The following CDCA5 variants were observed in gnomAD, a reference collection of about 807,000 sequenced individuals.
CDCA5 encodes the protein cell division cycle associated 5.
A neutral mutation model predicts 25.7 loss-of-function variants in CDCA5; 14 were observed. The ratio of observed to expected loss-of-function variants is 0.54; its 90% CI spans 0.36 to 0.85. The LOEUF (loss-of-function observed/expected upper bound fraction) is 0.85, where lower values mean the gene tolerates loss of function less well. Among genes scored for constraint, CDCA5 ranks in the 40% least tolerant of loss-of-function variants. The pLI is 0.01. For synonymous variants in CDCA5, 127 were observed against 128.7 expected (o/e 0.99, Z 0.09); for missense variants, 307 against 324.5 (o/e 0.95, Z 0.41).
chr11:65,066,276 A>G, downstream of CDCA5: 1 of 1,119,520 alleles, frequency 8.9e-7, no homozygotes, highest in Non-Finnish European at 1.1e-6. Flanking sequence ...CCCAGGGCCC[A>G]CAGACACTTG....
At chr11:65,065,880 C>A (rs553267740), downstream of CDCA5, among the ~76,000 whole-genome samples, 9 of 152,092 alleles carry the variant, frequency 5.9e-5, no homozygotes, top group South Asian at 1.5e-3. Context: ...TCTCTGCCCC[C>A]CAACCCCATG....
At chr11:65,068,714 AG>A (rs1947288303) in intron 1 of CDCA5, 5 of 445,294 alleles carry the variant, frequency 1.1e-5, no homozygotes, top group Non-Finnish European at 2.0e-5. Context: ...GTCTATCACC[AG>A]CTCTGTCCAG....
chr11:65,077,982 C>T lies in CDCA5; in HGVS notation c.*1125G>A, dbSNP rs748677279. 5.1e-5 allele frequency: 50 copies of T among 985,240 alleles called. No homozygotes were observed. The highest frequency in any genetic ancestry group is 1.9e-4 in the African/African-American group (11 of 57,168). 61.0% of individuals were successfully genotyped at this position (985,240 alleles called of 1,614,324 possible). A position where few individuals can be genotyped will look rare whatever the true frequency, so the allele number is the denominator to read the frequency against. On this transcript the variant is annotated 3_prime_UTR_variant, in exon 6 of 6. Transcript: ENST00000275517. ...TCAAATCCACACTATTGAATCCACA[C>T]GATGGAAAGAAGAGAAAGATGGGGA...
At chr11:65,071,755 T>A (rs1947347774) in intron 1 of CDCA5, among the ~76,000 whole-genome samples, 1 of 152,128 alleles carries the variant, frequency 6.6e-6, no homozygotes, top group African/African-American at 2.4e-5. Flanking sequence ...GGTTACCAGT[T>A]GGTACGTGAG....
At position 65,083,687 on chromosome 11, in the gene CDCA5, C is replaced by A. The variant is rs779966680; in HGVS notation, c.83G>T (p.Arg28Met). ...RAPSPTKPLR[R>M]SQRKSGSELP... is the part of the protein sequence containing the mutation. ...TTCAGAGCCTGATTTCCGCTGGGAC[C>A]TCCGCAGAGGCTTAGTAGGAGATGG... Residue 28 changes from arginine to methionine, a missense_variant, in exon 2 of 6, where the codon AGG (arginine) becomes ATG (methionine). Arg to Met is a moderately conservative substitution (Grantham distance 91). Coordinates refer to ENST00000275517, the MANE Select transcript of CDCA5 (RefSeq NM_080668.4). 1.4e-5 allele frequency: 23 copies of A among 1,614,046 alleles called. No homozygotes were observed. The highest frequency in any genetic ancestry group is 1.9e-5 in the Non-Finnish European group (22 of 1,180,020).
At chr11:65,062,762 T>G (rs1187725683), downstream of CDCA5, among the ~76,000 whole-genome samples, 1 of 152,188 alleles carries the variant, frequency 6.6e-6, no homozygotes, top group Non-Finnish European at 1.5e-5. Context: ...TGAGAATCCA[T>G]GTTTAAAAAT....
Position 65,078,916 on chromosome 11 carries a change from C to A in CDCA5, c.*191G>T. 1 of 1,255,550 alleles carries A rather than the reference C, an allele frequency of 8.0e-7. No homozygotes were observed. Among genetic ancestry groups the A allele is most frequent in the Non-Finnish European group, 1.0e-6 (1 of 1,001,910 alleles). 77.8% of individuals were successfully genotyped at this position (1,255,550 alleles called of 1,614,324 possible). A position where few individuals can be genotyped will look rare whatever the true frequency, so the allele number is the denominator to read the frequency against. ...CCAGTGAGTGGCTGGGCCAGGCGGC[C>A]CCATTTCCTAAAACCAAGATGGCTG... On this transcript the variant is annotated 3_prime_UTR_variant, in exon 6 of 6. Coordinates refer to ENST00000275517, the MANE Select transcript of CDCA5 (RefSeq NM_080668.4).
chr11:65,070,000 A>G (rs1208536604), intron 1 of CDCA5, among the ~76,000 whole-genome samples: 2 of 152,234 alleles, frequency 1.3e-5, no homozygotes, highest in Non-Finnish European at 2.9e-5. Context: ...GGAGGGAGCC[A>G]TGCATTCTGC....
At chr11:65,082,826 T>C (rs1050017075) in intron 4 of CDCA5, among the ~76,000 whole-genome samples, 2 of 151,916 alleles carry the variant, frequency 1.3e-5, no homozygotes, top group East Asian at 1.9e-4. Context: ...CTGAGCCACA[T>C]GGTCTGGGTT....
the CDCA5 span, among the ~76,000 whole-genome samples, chr11:65,061,161 C>T: frequency 7.9e-5 from 12 of 152,208 alleles, no homozygotes; most frequent in African/African-American, 2.4e-4. Flanking sequence ...TGCAGAGTCA[C>T]GTGGCCTCCC....
At chr11:65,082,585 C>T (rs779509313) in intron 4 of CDCA5, among the ~76,000 whole-genome samples, 1 of 151,668 alleles carries the variant, frequency 6.6e-6, no homozygotes, top group African/African-American at 2.4e-5. Context: ...GCCTCAGCCT[C>T]CTGAGTAGCT....
intron 1 of CDCA5, among the ~76,000 whole-genome samples, chr11:65,071,174 C>T (rs896392622): frequency 2.0e-5 from 3 of 151,686 alleles, no homozygotes; most frequent in African/African-American, 7.3e-5. Context: ...GATCTCCTGA[C>T]CTCATGATCT....
At chr11:65,079,312 C>T (rs767483754) in intron 5 of CDCA5, 41 bp downstream of exon 5, 1 of 1,613,688 alleles carries the variant, frequency 6.2e-7, no homozygotes, top group Non-Finnish European at 8.5e-7. Context: ...TGCACGTCTC[C>T]CAGAGCACAC....
At chr11:65,067,068 T>C (rs927009256) in intron 4 of CDCA5, among the ~76,000 whole-genome samples, 4 of 152,198 alleles carry the variant, frequency 2.6e-5, no homozygotes, top group African/African-American at 4.8e-5. Flanking sequence ...CCCTGAGTGA[T>C]TGGTAGCAGG....
Position 65,077,717 on chromosome 11 carries a change from CA to C in CDCA5, c.*1389del. On this transcript the variant is annotated 3_prime_UTR_variant, in exon 6 of 6. Transcript: ENST00000275517. ...GCAGGGGGCTTGCTTGCAGGTCTGA[CA>C]AACCACAGAGCGTTGAGCAGATGGC... The C allele has an allele frequency of 6.1e-6, 6 of 985,578 alleles. No individual in the cohort carries two copies. The highest frequency in any genetic ancestry group is 7.2e-6 in the Non-Finnish European group (6 of 830,018). 61.1% of individuals were successfully genotyped at this position (985,578 alleles called of 1,614,324 possible). A position where few individuals can be genotyped will look rare whatever the true frequency, so the allele number is the denominator to read the frequency against.
chr11:65,081,918 C>T lies in CDCA5; in HGVS notation c.243+1446G>A, dbSNP rs143104570. ...TCTGCAGTGAGCCGAAATCTCGCCA[C>T]TGCACTCCAGCCTGGGTGGCAGAAC... is the stretch of plus-strand genomic sequence containing the variant. On this transcript the variant is annotated intron_variant, in intron 4 of 5. Coordinates refer to ENST00000275517, the MANE Select transcript of CDCA5 (RefSeq NM_080668.4). Among the ~76,000 whole-genome samples, 379 of 152,306 alleles carry T rather than the reference C, an allele frequency of 2.5e-3. 2 individuals carry two copies. Among genetic ancestry groups the T allele is most frequent in the African/African-American group, 8.7e-3 (361 of 41,568 alleles).
downstream of CDCA5, among the ~76,000 whole-genome samples, chr11:65,076,429 T>A (rs558019742): frequency 1.8e-4 from 27 of 152,288 alleles, no homozygotes; most frequent in South Asian, 5.6e-3. Flanking sequence ...TGTCATTTTT[T>A]AACAACAAAG....
intron 6 of CDCA5, chr11:65,066,546 G>A (rs1439432083): frequency 5.7e-5 from 74 of 1,289,182 alleles, no homozygotes; most frequent in Non-Finnish European, 7.0e-5. Flanking sequence ...ATGGCTGCCC[G>A]CACACCTGAG....
intron 1 of CDCA5, among the ~76,000 whole-genome samples, chr11:65,071,447 G>T (rs1438685787): frequency 6.7e-6 from 1 of 149,982 alleles, no homozygotes; most frequent in Non-Finnish European, 1.5e-5. Flanking sequence ...TCCATGTTCA[G>T]GCAATTCTCC....
Sources: gnomAD v4.1 joint callset for allele counts (sites outside exome capture counted in the v4.1 genomes callset) on GRCh38, gnomAD v4.1.1 for gene constraint, MANE v1.5 for transcripts, NCBI Gene and HGNC (gene_info 2026-07-23, HGNC 2026-07-21) for gene names.